The following COL11A1 variants were observed in gnomAD, a reference collection of about 807,000 sequenced individuals.
COL11A1 encodes the protein collagen alpha-1(XI) chain.
COL11A1 carries 74 observed loss-of-function variants against 265.2 expected under a neutral mutation model. The observed-to-expected ratio is 0.28, with a 90% confidence interval of 0.23 to 0.34. The LOEUF (loss-of-function observed/expected upper bound fraction) is 0.34. Among genes scored for constraint, COL11A1 ranks in the 10% least tolerant of loss-of-function variants. The probability of loss-of-function intolerance (pLI) is 1.00; values close to 1 mark genes in which losing one functional copy is unlikely to be tolerated. For synonymous variants in COL11A1, 816 were observed against 727.6 expected (o/e 1.12, Z -1.96); for missense variants, 2,165 against 2,263.6 (o/e 0.96, Z 0.88).
At chr1:102,996,696 A>G (rs1013520619) in intron 26 of COL11A1, among the ~76,000 whole-genome samples, 1 of 151,968 alleles carries the variant, frequency 6.6e-6, no homozygotes, top group Non-Finnish European at 1.5e-5. Flanking sequence ...ATATTTTAAT[A>G]GCCATTGGTC....
intron 1 of COL11A1, among the ~76,000 whole-genome samples, chr1:103,090,705 A>G (rs1385449038): frequency 1.3e-5 from 2 of 152,180 alleles, no homozygotes; most frequent in African/African-American, 2.4e-5. Flanking sequence ...TGCATAATAC[A>G]TATTCAATAA....
intron 4 of COL11A1, among the ~76,000 whole-genome samples, chr1:103,035,065 G>A (rs1029302674): frequency 6.6e-6 from 1 of 151,958 alleles, no homozygotes; most frequent in Non-Finnish European, 1.5e-5. Context: ...GTGTGCCTTG[G>A]CAAACACTTT....
At chr1:103,094,935 T>C (rs2102387830) in intron 1 of COL11A1, among the ~76,000 whole-genome samples, 1 of 152,198 alleles carries the variant, frequency 6.6e-6, no homozygotes, top group East Asian at 1.9e-4. Flanking sequence ...TACATGATTC[T>C]GAATTTATCT....
intron 4 of COL11A1, among the ~76,000 whole-genome samples, chr1:103,052,969 A>T (rs551878216): frequency 1.3e-5 from 2 of 152,356 alleles, no homozygotes; most frequent in Admixed American, 6.5e-5. Context: ...TTTCTTCTTT[A>T]AAAAGTTAAT....
chr1:103,031,260 A>C lies in COL11A1; in HGVS notation c.652-16T>G, dbSNP rs751885956. 3.1e-6 allele frequency: 5 copies of C among 1,598,576 alleles called. No homozygotes were observed. The Middle Eastern group carries it at 5.0e-4, about 159-fold the overall frequency. On this transcript the variant is annotated splice_polypyrimidine_tract_variant and intron_variant, in intron 4 of 66. Transcript: ENST00000370096. ...GAATGTCCCCCTGGGAAAAAAAAAA[A>C]AACAAAAACAAACAGACACAGATTC...
At chr1:102,976,353 C>T (rs193259703) in intron 35 of COL11A1, among the ~76,000 whole-genome samples, 277 of 113,874 alleles carry the variant, frequency 2.4e-3, no homozygotes, top group African/African-American at 7.6e-3. Flanking sequence ...GGCTGGAGTG[C>T]GGTGGCACGA....
At chr1:103,107,552 C>T (rs1041846316) in intron 1 of COL11A1, among the ~76,000 whole-genome samples, 10 of 141,646 alleles carry the variant, frequency 7.1e-5, no homozygotes, top group Admixed American at 2.2e-4. Flanking sequence ...CCTGGTTTCT[C>T]TTATATCCCC....
intron 4 of COL11A1, among the ~76,000 whole-genome samples, chr1:103,064,145 C>T (rs1420842184): frequency 1.3e-5 from 2 of 152,132 alleles, no homozygotes; most frequent in African/African-American, 2.4e-5. Context: ...TTTAGCAAGA[C>T]AGTTTGGCAG....
At chr1:102,883,819 A>T (rs1260602982) in intron 63 of COL11A1, among the ~76,000 whole-genome samples, 1 of 152,104 alleles carries the variant, frequency 6.6e-6, no homozygotes, top group Non-Finnish European at 1.5e-5. Context: ...AAAAAAAAAA[A>T]ACTTCTTGCA....
Position 102,984,120 on chromosome 1 carries a change from A to G in COL11A1, c.2556+18T>C. On this transcript the variant is annotated intron_variant, in intron 31 of 66. Coordinates refer to ENST00000370096, the MANE Select transcript of COL11A1 (RefSeq NM_001854.4). ...CTTCACGAAATGTTAATAAACTATAAATATCAAGCTGTTTTACCTTTGGAC... is the reference window on the plus strand; with the variant it reads ...CTTCACGAAATGTTAATAAACTATAGATATCAAGCTGTTTTACCTTTGGAC... 6.4e-7 allele frequency: 1 copy of G among 1,560,586 alleles called. No individual in the cohort carries two copies. The highest frequency in any genetic ancestry group is 8.8e-7 in the Non-Finnish European group (1 of 1,133,798).
intron 2 of COL11A1, among the ~76,000 whole-genome samples, chr1:103,082,352 A>C (rs1414188371): frequency 3.9e-5 from 6 of 152,040 alleles, no homozygotes; most frequent in African/African-American, 1.2e-4. Flanking sequence ...TGTTAGGAAA[A>C]CATGCACTAA....
intron 54 of COL11A1, among the ~76,000 whole-genome samples, chr1:102,901,193 A>G (rs1182509516): frequency 6.6e-6 from 1 of 151,702 alleles, no homozygotes; most frequent in Non-Finnish European, 1.5e-5. Context: ...GGTGGTGGGC[A>G]CCTGTAATCC....
intron 41 of COL11A1, among the ~76,000 whole-genome samples, chr1:102,957,055 T>A (rs1037137240): frequency 2.0e-5 from 3 of 152,006 alleles, no homozygotes; most frequent in Non-Finnish European, 4.4e-5. Context: ...TCAAACAGAT[T>A]TTTTTAGTTT....
intron 4 of COL11A1, among the ~76,000 whole-genome samples, chr1:103,032,463 T>C (rs2102002279): frequency 6.6e-6 from 1 of 152,096 alleles, no homozygotes; most frequent in South Asian, 2.1e-4. Context: ...TGATATAATC[T>C]TTGCACTTTG....
At chr1:103,073,869 G>T (rs1422375202) in intron 4 of COL11A1, among the ~76,000 whole-genome samples, 1 of 151,624 alleles carries the variant, frequency 6.6e-6, no homozygotes, top group Non-Finnish European at 1.5e-5. Context: ...AGGTGAAACT[G>T]TCTATTAATT....
intron 1 of COL11A1, among the ~76,000 whole-genome samples, chr1:103,102,382 T>C (rs1056003997): frequency 4.6e-5 from 7 of 152,054 alleles, no homozygotes; most frequent in African/African-American, 1.4e-4. Context: ...TTAGGGAACA[T>C]TGCAACTTTT....
intron 51 of COL11A1, 49 bp from the exon 52 acceptor site, chr1:102,914,454 T>C (rs756347542): frequency 6.6e-7 from 1 of 1,504,006 alleles, no homozygotes; most frequent in Non-Finnish European, 9.1e-7. Flanking sequence ...AATAAATTTT[T>C]ATAAAATTAT....
chr1:103,084,259 A>T (rs753152402), intron 1 of COL11A1, among the ~76,000 whole-genome samples: 2 of 151,808 alleles, frequency 1.3e-5, no homozygotes, highest in Non-Finnish European at 2.9e-5. Context: ...TCAACCTCCT[A>T]CCCCCTGACA....
intron 4 of COL11A1, among the ~76,000 whole-genome samples, chr1:103,036,425 G>T (rs1668380682): frequency 6.9e-6 from 1 of 144,852 alleles, no homozygotes; most frequent in African/African-American, 2.5e-5. Context: ...TATGTTTATA[G>T]TACTTTTAAA....
Sources: allele counts gnomAD v4.1 joint callset (sites outside exome capture counted in the v4.1 genomes callset), GRCh38; gene constraint gnomAD v4.1.1; transcripts MANE v1.5; gene names NCBI Gene and HGNC (gene_info 2026-07-23, HGNC 2026-07-21).